The following LHFPL3 variants were observed in gnomAD, a reference collection of about 807,000 sequenced individuals.
The protein encoded by LHFPL3 is LHFPL tetraspan subfamily member 3 protein.
Under a neutral mutation model 19.3 loss-of-function variants are expected in LHFPL3, and 5 were observed. The observed-to-expected ratio is 0.26, with a 90% confidence interval of 0.14 to 0.54. The LOEUF is 0.54. LHFPL3 is among the 20% of genes least tolerant of loss of function. LHFPL3 has a pLI of 0.94. For synonymous variants in LHFPL3, 133 were observed against 126.2 expected (o/e 1.05, Z -0.36); for missense variants, 249 against 307.4 (o/e 0.81, Z 1.42).
chr7:104,403,978 T>C (rs556621284), intron 1 of LHFPL3, among the ~76,000 whole-genome samples: 11 of 152,278 alleles, frequency 7.2e-5, no homozygotes, highest in African/African-American at 2.6e-4. Context: ...ACAAATAAAG[T>C]TTTATTGGAA....
At chr7:104,386,118 G>A (rs1562881705) in intron 1 of LHFPL3, among the ~76,000 whole-genome samples, 1 of 152,158 alleles carries the variant, frequency 6.6e-6, no homozygotes, top group South Asian at 2.1e-4. Flanking sequence ...TTGAATACTA[G>A]CTGATTCACA....
intron 1 of LHFPL3, among the ~76,000 whole-genome samples, chr7:104,557,837 C>T (rs1196918817): frequency 1.3e-5 from 2 of 149,574 alleles, no homozygotes; most frequent in South Asian, 2.1e-4. Context: ...ACTCCCCCCA[C>T]CCCACCACAG....
rs868574487 is a variant in LHFPL3, at chr7:104,328,768, A to G, written c.-12A>G. On this transcript the variant is annotated 5_prime_UTR_variant, in exon 1 of 3. Transcript: ENST00000424859. This position sits in a 1 kb window ranked among gnomAD's most constrained non-coding sequence, Gnocchi z 4.6. ...GACCAGGAGGAGGAGGAGGAGGAGG[A>G]GGAGGGGGAGAATGCCCGGAGCCGC... 3 of 1,503,118 alleles carry G rather than the reference A, an allele frequency of 2.0e-6. No homozygotes were observed. The highest frequency in any genetic ancestry group is 1.2e-5 in the South Asian group (1 of 85,382). 93.1% of individuals were successfully genotyped at this position (1,503,118 alleles called of 1,614,324 possible). A position where few individuals can be genotyped will look rare whatever the true frequency, so the allele number is the denominator to read the frequency against.
At position 104,581,882 on chromosome 7, in the gene LHFPL3, T is replaced by C. The variant is rs892108521; in HGVS notation, c.446-154793T>C. ...GCCATTACCACACTGTCTTGATTAA[T>C]GTAGCTTGATAATAGGTATTAAATT... On this transcript the variant is annotated intron_variant, in intron 1 of 2. Coordinates refer to ENST00000424859, the MANE Select transcript of LHFPL3 (RefSeq NM_199000.3). Among the ~76,000 whole-genome samples the C allele has an allele frequency of 2.6e-5, 4 of 152,026 alleles. No individual in the cohort carries two copies. In the East Asian group the frequency reaches 5.8e-4, roughly 22 times the overall value.
chr7:104,583,374 G>A (rs986849137), intron 1 of LHFPL3, among the ~76,000 whole-genome samples: 7 of 152,096 alleles, frequency 4.6e-5, no homozygotes, highest in Non-Finnish European at 8.8e-5. Context: ...GAAAACCTAG[G>A]CAATACCATT....
intron 1 of LHFPL3, among the ~76,000 whole-genome samples, chr7:104,387,410 CT>C (rs1424319395): frequency 6.6e-6 from 1 of 151,880 alleles, no homozygotes; most frequent in East Asian, 1.9e-4. Flanking sequence ...AGTACAATAA[CT>C]GAAATAAAAA....
chr7:104,438,898 A>G (rs1185718011), intron 1 of LHFPL3, among the ~76,000 whole-genome samples: 1 of 152,198 alleles, frequency 6.6e-6, no homozygotes, highest in African/African-American at 2.4e-5. Flanking sequence ...CATCACAAAG[A>G]AAAGGAAATA....
chr7:104,614,669 T>TTCTC (rs1791287902), intron 1 of LHFPL3, among the ~76,000 whole-genome samples: 1 of 93,846 alleles, frequency 1.1e-5, no homozygotes, highest in Non-Finnish European at 2.4e-5. Context: ...CCTTCCTTCC[T>TTCTC]TCCTTCCTTC....
chr7:104,697,155 A>T (rs1319536111), intron 1 of LHFPL3, among the ~76,000 whole-genome samples: 19 of 152,102 alleles, frequency 1.2e-4, no homozygotes, highest in Admixed American at 1.2e-3. Context: ...TGCCCTCATG[A>T]CCTAGAGACC....
At position 104,551,481 on chromosome 7, in the gene LHFPL3, C is replaced by A. The variant is rs1046538937; in HGVS notation, c.446-185194C>A. Among the ~76,000 whole-genome samples, 39 of 151,952 alleles carry A rather than the reference C, an allele frequency of 2.6e-4. 1 individual carries two copies. Among genetic ancestry groups the A allele is most frequent in the Admixed American group, 3.9e-4 (6 of 15,252 alleles). ...ACATGAACTCTTCCCTTTTTTTCTG[C>A]CCTTCCACCCCTCCCTTGGCTGCCT... On this transcript the variant is annotated intron_variant, in intron 1 of 2. Coordinates refer to ENST00000424859, the MANE Select transcript of LHFPL3 (RefSeq NM_199000.3).
intron 1 of LHFPL3, among the ~76,000 whole-genome samples, chr7:104,596,359 A>C (rs761336317): frequency 1.3e-5 from 2 of 152,258 alleles, no homozygotes; most frequent in Non-Finnish European, 2.9e-5. Flanking sequence ...GAGACAAATC[A>C]TACAAGCCTT....
At chr7:104,784,941 C>T (rs1445262671) in intron 2 of LHFPL3, among the ~76,000 whole-genome samples, 1 of 152,124 alleles carries the variant, frequency 6.6e-6, no homozygotes, top group Non-Finnish European at 1.5e-5. Flanking sequence ...CATTGCTTAA[C>T]AGGTCTAGAG....
chr7:104,850,920 C>T (rs1324543141), intron 2 of LHFPL3, among the ~76,000 whole-genome samples: 2 of 152,280 alleles, frequency 1.3e-5, no homozygotes, highest in East Asian at 3.9e-4. Context: ...AGAAGTTCTG[C>T]AGTGGCGTGC....
chr7:104,778,268 C>G (rs964648216), intron 2 of LHFPL3, among the ~76,000 whole-genome samples: 10 of 152,134 alleles, frequency 6.6e-5, no homozygotes, highest in Admixed American at 6.5e-4. Context: ...AATACCCATT[C>G]CTGCTGTGCG....
intron 2 of LHFPL3, among the ~76,000 whole-genome samples, chr7:104,880,259 A>G (rs1792021185): frequency 6.6e-6 from 1 of 152,064 alleles, no homozygotes; most frequent in South Asian, 2.1e-4. Context: ...GTTGTTTAAA[A>G]GAGTGTGGCA....
At chr7:104,689,384 GA>G (rs749359547) in intron 1 of LHFPL3, among the ~76,000 whole-genome samples, 17 of 152,122 alleles carry the variant, frequency 1.1e-4, no homozygotes, top group Non-Finnish European at 2.1e-4. Context: ...TCCTAGAAGT[GA>G]AATTGATAGG....
At chr7:104,813,498 T>C (rs1385923275) in intron 2 of LHFPL3, among the ~76,000 whole-genome samples, 1 of 152,180 alleles carries the variant, frequency 6.6e-6, no homozygotes, top group Non-Finnish European at 1.5e-5. Context: ...CCACTGGGCT[T>C]GTTTCACCCA....
chr7:104,796,289 G>A (rs2470960), intron 2 of LHFPL3, among the ~76,000 whole-genome samples: 71,033 of 152,048 alleles, frequency 0.47, 17,482 homozygotes, highest in Non-Finnish European at 0.55. Flanking sequence ...CCATTGTGTA[G>A]GGAAGACACA....
At chr7:104,582,689 A>G (rs1249222016) in intron 1 of LHFPL3, among the ~76,000 whole-genome samples, 5 of 151,990 alleles carry the variant, frequency 3.3e-5, no homozygotes, top group Non-Finnish European at 7.4e-5. Flanking sequence ...TTCTGCATCC[A>G]TTGAGATTAT....
Sources: gnomAD v4.1 joint callset for allele counts (sites outside exome capture counted in the v4.1 genomes callset) on GRCh38, gnomAD v4.1.1 for gene constraint, Gnocchi (gnomAD v3.1) non-coding constraint, MANE v1.5 for transcripts, NCBI Gene and HGNC (gene_info 2026-07-23, HGNC 2026-07-21) for gene names.